FLT3: variants seen among roughly 807,000 people sequenced by gnomAD.
FLT3 encodes fms related receptor tyrosine kinase 3, also known as receptor-type tyrosine-protein kinase FLT3.
Under a neutral mutation model 126.6 loss-of-function variants are expected in FLT3, and 46 were observed. The ratio of observed to expected loss-of-function variants is 0.36; its 90% CI spans 0.29 to 0.46. The LOEUF (loss-of-function observed/expected upper bound fraction) is 0.46, where lower values mean the gene tolerates loss of function less well. FLT3 is among the 20% of genes least tolerant of loss of function. The probability of loss-of-function intolerance (pLI) is 1.00; values close to 1 mark genes in which losing one functional copy is unlikely to be tolerated. For synonymous variants in FLT3, 404 were observed against 434.4 expected, an observed-to-expected ratio of 0.93 and a Z score of 0.87; for missense variants, 1,069 against 1,190.3, an observed-to-expected ratio of 0.90 and a Z score of 1.50.
intron 5 of FLT3, among the ~76,000 whole-genome samples, chr13:28,050,667 C>T (rs888837055): frequency 6.6e-6 from 1 of 152,058 alleles, no homozygotes; most frequent in African/African-American, 2.4e-5. Flanking sequence ...AAAAGTCACC[C>T]GAGTTCCCAT....
chr13:28,019,484 A>AG (rs1872190294), intron 19 of FLT3, among the ~76,000 whole-genome samples: 1 of 152,154 alleles, frequency 6.6e-6, no homozygotes, highest in African/African-American at 2.4e-5. Flanking sequence ...ACAGGGCACT[A>AG]GTAGCAAAGG....
At chr13:28,080,808 A>G (rs1368420327) in intron 1 of FLT3, among the ~76,000 whole-genome samples, 1 of 152,208 alleles carries the variant, frequency 6.6e-6, no homozygotes, top group African/African-American at 2.4e-5. Context: ...ATTTTCAATT[A>G]ACTTTTCATA....
At position 28,100,365 on chromosome 13, in the gene FLT3, G is replaced by A; in HGVS notation, c.43+103C>T. The A allele has an allele frequency of 1.2e-6, 1 of 801,522 alleles. No individual in the cohort carries two copies. Among genetic ancestry groups the A allele is most frequent in the Non-Finnish European group, 1.7e-6 (1 of 601,432 alleles). The allele number at this position is 801,522 out of a possible 1,614,324, so 49.7% of individuals were successfully genotyped here. ...GCAATGGAAGGAGCGAGCGCGGGGAGGAGCGAGGCGGCTGGGCCGGAGGAG... is the reference window on the plus strand; with the variant it reads ...GCAATGGAAGGAGCGAGCGCGGGGAAGAGCGAGGCGGCTGGGCCGGAGGAG... On this transcript the variant is annotated intron_variant, in intron 1 of 23. Coordinates refer to ENST00000241453, the MANE Select transcript of FLT3 (RefSeq NM_004119.3). The surrounding 1 kb of genome is among the most constrained non-coding windows in gnomAD (Gnocchi z 4.8).
rs762685670 is a variant in FLT3, at chr13:28,035,483, C to A, written c.1597+12G>T. 6.2e-7 allele frequency: 1 copy of A among 1,605,716 alleles called. No individual in the cohort carries two copies. Among genetic ancestry groups the A allele is most frequent in the Non-Finnish European group, 8.5e-7 (1 of 1,177,104 alleles). On this transcript the variant is annotated intron_variant, in intron 12 of 23. Transcript: ENST00000241453. The stretch of plus-strand genomic sequence containing the variant: ...TCCTGATGGTGGAATATCACAAGAA[C>A]AACTGTTGTACCTGGAGAGTTTAAA...
At chr13:28,057,045 C>T (rs1329522952) in intron 4 of FLT3, among the ~76,000 whole-genome samples, 1 of 152,192 alleles carries the variant, frequency 6.6e-6, no homozygotes, top group Non-Finnish European at 1.5e-5. Flanking sequence ...TCTTCTGATT[C>T]CAAGGTCAAA....
At chr13:28,035,427 C>A in intron 12 of FLT3, 68 bp downstream of exon 12, 1 of 1,449,794 alleles carries the variant, frequency 6.9e-7, no homozygotes. Context: ...AAGTAAAAGT[C>A]AGCGATGGGG....
intron 1 of FLT3, among the ~76,000 whole-genome samples, chr13:28,089,142 G>A (rs942360184): frequency 5.3e-5 from 8 of 152,126 alleles, no homozygotes; most frequent in Non-Finnish European, 1.0e-4. Flanking sequence ...TTAAGCCACA[G>A]TACACATTGC....
intron 18 of FLT3, among the ~76,000 whole-genome samples, chr13:28,023,929 A>AT (rs1396727885): frequency 2.0e-5 from 3 of 150,658 alleles, no homozygotes; most frequent in Non-Finnish European, 3.0e-5. Flanking sequence ...GCTCATGCTA[A>AT]TTTTTTGTAT....
intron 22 of FLT3, among the ~76,000 whole-genome samples, chr13:28,014,807 G>T (rs1444733257): frequency 6.6e-6 from 1 of 152,144 alleles, no homozygotes; most frequent in Non-Finnish European, 1.5e-5. Context: ...CTCAAGCAAA[G>T]GAATTAAAAC....
intron 1 of FLT3, among the ~76,000 whole-genome samples, chr13:28,091,346 C>A (rs1229506715): frequency 6.8e-6 from 1 of 147,916 alleles, no homozygotes; most frequent in Non-Finnish European, 1.5e-5. Context: ...CTCAGCCTCC[C>A]GAGTAGCTGG....
chr13:28,035,364 C>T, intron 12 of FLT3, 131 bp downstream of exon 12: 1 of 824,002 alleles, frequency 1.2e-6, no homozygotes, highest in Non-Finnish European at 1.9e-6. Flanking sequence ...TCTTGCCTGA[C>T]TCAAGAAACC....
At chr13:28,024,736 C>A (rs953959269) in intron 18 of FLT3, 125 bp downstream of exon 18, 3 of 650,490 alleles carry the variant, frequency 4.6e-6, no homozygotes, top group African/African-American at 1.8e-5. Context: ...TGGCTTTTAG[C>A]TATCATCTGA....
Position 28,034,317 on chromosome 13 carries a change from C to A in FLT3, c.1688G>T (p.Cys563Phe). ...LFIVVLTLLI[C>F]HKYKKQFRYE... is the part of the protein sequence containing the mutation. Reference sequence around the variant, plus strand: ...TGCTTTTACCTTTTTGTACTTGTGACAAATTAGCAGGGTTAAAACGACAAT... The same window carrying A: ...TGCTTTTACCTTTTTGTACTTGTGAAAAATTAGCAGGGTTAAAACGACAAT... The change falls in exon 13 of 24, where the codon TGT (cysteine) becomes TTT (phenylalanine). Residue 563 changes from cysteine to phenylalanine, a missense_variant. Cys to Phe is a radical substitution (Grantham distance 205, BLOSUM62 -2). Coordinates refer to ENST00000241453, the MANE Select transcript of FLT3 (RefSeq NM_004119.3). The A allele has an allele frequency of 1.2e-6, 2 of 1,612,554 alleles. No individual in the cohort carries two copies. Among genetic ancestry groups the A allele is most frequent in the South Asian group, 2.2e-5 (2 of 91,028 alleles).
rs1304173505 is a variant in FLT3, at chr13:28,028,179, T to G, written c.2052A>C (p.Ser684=). Residue 684 remains serine, a splice_region_variant and synonymous_variant, in exon 16 of 24, where the codon TCA becomes TCC. Transcript: ENST00000241453. The stretch of plus-strand genomic sequence containing the variant: ...GTGATTTTCGTGGAAGTGGGTTACC[T>G]GACAGTGTGCACGCCCCCAGCAGGT... ...IVNLLGACTL[S]GPIYLIFEYC... is the part of the protein sequence containing the mutation. The G allele has an allele frequency of 1.9e-6, 3 of 1,552,802 alleles. No individual in the cohort carries two copies. The highest frequency in any genetic ancestry group is 2.7e-6 in the Non-Finnish European group (3 of 1,124,340).
At chr13:28,065,680 A>AATAATAATC (rs1392955232) in intron 2 of FLT3, among the ~76,000 whole-genome samples, 2 of 108,962 alleles carry the variant, frequency 1.8e-5, no homozygotes, top group African/African-American at 7.1e-5. Flanking sequence ...TAATAATAAT[A>AATAATAATC]ATCCAGGTGT....
At chr13:28,004,966 A>G (rs1870750489) in intron 23 of FLT3, among the ~76,000 whole-genome samples, 1 of 152,342 alleles carries the variant, frequency 6.6e-6, no homozygotes, top group South Asian at 2.1e-4. Context: ...TCTGAAATGA[A>G]GAGATTTACT....
intron 1 of FLT3, among the ~76,000 whole-genome samples, chr13:28,077,728 T>C (rs1026209053): frequency 1.3e-5 from 2 of 152,140 alleles, no homozygotes; most frequent in Non-Finnish European, 1.5e-5. Context: ...TTAACCCAAA[T>C]GTCCACAGTC....
chr13:28,093,486 T>A (rs1879257776), intron 1 of FLT3, among the ~76,000 whole-genome samples: 1 of 152,184 alleles, frequency 6.6e-6, no homozygotes, highest in Non-Finnish European at 1.5e-5. Context: ...TCATTAGAAA[T>A]CTTCAAATAA....
At chr13:28,021,155 C>T (rs1215926386) in intron 19 of FLT3, among the ~76,000 whole-genome samples, 7 of 152,076 alleles carry the variant, frequency 4.6e-5, no homozygotes, top group Non-Finnish European at 8.8e-5. Context: ...TTTGGGAAGC[C>T]GAGGCGGGCA....
Sources: gnomAD v4.1 joint callset for allele counts (sites outside exome capture counted in the v4.1 genomes callset) on GRCh38, gnomAD v4.1.1 for gene constraint, Gnocchi (gnomAD v3.1) non-coding constraint, MANE v1.5 for transcripts, NCBI Gene and HGNC (gene_info 2026-07-23, HGNC 2026-07-21) for gene names.